PRPH: variants seen among roughly 807,000 people sequenced by gnomAD.
The protein encoded by PRPH is neurofilament 4 (57kD).
In PRPH, 48 loss-of-function variants were observed where a neutral mutation model predicts 52.6. The ratio of observed to expected loss-of-function variants is 0.91; its 90% CI spans 0.72 to 1.16. The LOEUF is 1.16. Ranked by LOEUF, PRPH falls within the 50% of genes most tolerant of loss-of-function variation. PRPH has a pLI of 0.00. For missense variants in PRPH, 579 were observed against 635.7 expected (o/e 0.91, Z 0.96); for synonymous variants, 279 against 283.8 (o/e 0.98, Z 0.17).
Position 49,297,936 on chromosome 12 carries a change from C to A in PRPH, c.1268-22C>A, listed in dbSNP as rs930070624. On this transcript the variant is annotated intron_variant, in intron 7 of 8. Transcript: ENST00000257860. The surrounding 1 kb of genome is among the most constrained non-coding windows in gnomAD (Gnocchi z 4.4). ...AGATTCCCACGCCTTCCCCCTTGAA[C>A]CCTTTATCCTGCTTTCTTCAGTGCC... 1 of 1,613,402 alleles carries A rather than the reference C, an allele frequency of 6.2e-7. No individual in the cohort carries two copies. The highest frequency in any genetic ancestry group is 1.3e-5 in the African/African-American group (1 of 75,016).
chr12:49,296,040 C>A lies in PRPH; in HGVS notation c.546-138C>A, dbSNP rs1943173970. On this transcript the variant is annotated intron_variant, in intron 1 of 8. Transcript: ENST00000257860. The surrounding 1 kb of genome is among the most constrained non-coding windows in gnomAD (Gnocchi z 5.1). ...CCGTTAGAGACAATGCGGGGCAATT[C>A]CATTAGACAGCCTCAGCCCTCCATT... 7.6e-7 allele frequency: 1 copy of A among 1,314,494 alleles called. No individual in the cohort carries two copies. Among genetic ancestry groups the A allele is most frequent in the African/African-American group, 1.5e-5 (1 of 68,432 alleles). 81.4% of individuals were successfully genotyped at this position (1,314,494 alleles called of 1,614,324 possible).
chr12:49,296,290 T>G lies in PRPH; in HGVS notation c.606+52T>G, dbSNP rs267607673. 2 of 1,602,830 alleles carry G rather than the reference T, an allele frequency of 1.2e-6. No homozygotes were observed. Among genetic ancestry groups the G allele is most frequent in the Non-Finnish European group, 1.7e-6 (2 of 1,172,538 alleles). On this transcript the variant is annotated intron_variant, in intron 2 of 8. Coordinates refer to ENST00000257860, the MANE Select transcript of PRPH (RefSeq NM_006262.4). This position sits in a 1 kb window ranked among gnomAD's most constrained non-coding sequence, Gnocchi z 5.1. ...AGCCTCCCCACCGCTACCCCCGATC[T>G]CAGTATCCAGAGGTGGCATCGGTGG...
Position 49,295,177 on chromosome 12 carries a change from G to A in PRPH, c.-24G>A, listed in dbSNP as rs74089010. The A allele has an allele frequency of 6.2e-7, 1 of 1,607,248 alleles. No homozygotes were observed. Among genetic ancestry groups the A allele is most frequent in the African/African-American group, 1.3e-5 (1 of 74,690 alleles). ...CAGCCCCCGGCCTAGCTCTGCGAAC[G>A]GTGACTGCCCATCCTTGGCCGCAAT... On this transcript the variant is annotated 5_prime_UTR_variant, in exon 1 of 9. Coordinates refer to ENST00000257860, the MANE Select transcript of PRPH (RefSeq NM_006262.4).
rs1189090580 is a variant in PRPH, at chr12:49,297,277, A to G, written c.996+4A>G. ...GGTGGACGGGCTGCGCGGCACGGTG[A>G]GTACGAAGCTGCGCGCTCGGGCCCG... On this transcript the variant is annotated splice_donor_region_variant and intron_variant, in intron 5 of 8. Transcript: ENST00000257860. This position sits in a 1 kb window ranked among gnomAD's most constrained non-coding sequence, Gnocchi z 4.4. 1 of 1,613,920 alleles carries G rather than the reference A, an allele frequency of 6.2e-7. No homozygotes were observed. The highest frequency in any genetic ancestry group is 1.3e-5 in the African/African-American group (1 of 75,000).
At position 49,295,164 on chromosome 12, in the gene PRPH, T is replaced by A. The variant is rs1555169746; in HGVS notation, c.-37T>A. 2 of 1,601,006 alleles carry A rather than the reference T, an allele frequency of 1.2e-6. No homozygotes were observed. The highest frequency in any genetic ancestry group is 1.7e-6 in the Non-Finnish European group (2 of 1,175,650). ...TGCGGCTCCTTCCCAGCCCCCGGCC[T>A]AGCTCTGCGAACGGTGACTGCCCAT... On this transcript the variant is annotated 5_prime_UTR_variant, in exon 1 of 9. Transcript: ENST00000257860.
At position 49,296,721 on chromosome 12, in the gene PRPH, A is replaced by G; in HGVS notation, c.703-168A>G. On this transcript the variant is annotated intron_variant, in intron 3 of 8. Coordinates refer to ENST00000257860, the MANE Select transcript of PRPH (RefSeq NM_006262.4). The surrounding 1 kb of genome is among the most constrained non-coding windows in gnomAD (Gnocchi z 5.1). ...GGCGGGCAGCGGGGCTGTACCTCCG[A>G]AACCTGGCCTCTGGTCTCGCGCCCG... 1 of 1,218,780 alleles carries G rather than the reference A, an allele frequency of 8.2e-7. No homozygotes were observed. Among genetic ancestry groups the G allele is most frequent in the Admixed American group, 2.2e-5 (1 of 44,920 alleles). The allele number at this position is 1,218,780 out of a possible 1,614,324, so 75.5% of individuals were successfully genotyped here. A position where few individuals can be genotyped will look rare whatever the true frequency, so the allele number is the denominator to read the frequency against.
At position 49,296,471 on chromosome 12, in the gene PRPH, C is replaced by G; in HGVS notation, c.646C>G (p.Arg216Gly). Residue 216 changes from arginine to glycine, a missense_variant, in exon 3 of 9, where the codon CGC becomes GGC. Coordinates refer to ENST00000257860, the MANE Select transcript of PRPH (RefSeq NM_006262.4). This position sits in a 1 kb window ranked among gnomAD's most constrained non-coding sequence, Gnocchi z 5.1. ...DATLSRLELE[R>G]KIESLMDEIE... is the part of the protein sequence containing the mutation. Reference sequence around the variant, plus strand: ...CACTCTGTCCCGCCTGGAACTAGAGCGCAAGATTGAGTCTCTGATGGATGA... The same window carrying G: ...CACTCTGTCCCGCCTGGAACTAGAGGGCAAGATTGAGTCTCTGATGGATGA... The G allele has an allele frequency of 1.9e-6, 3 of 1,614,178 alleles. No homozygotes were observed. Among genetic ancestry groups the G allele is most frequent in the Non-Finnish European group, 2.5e-6 (3 of 1,180,040 alleles).
At position 49,296,977 on chromosome 12, in the gene PRPH, C is replaced by G; in HGVS notation, c.791C>G (p.Ala264Gly). The G allele has an allele frequency of 6.2e-7, 1 of 1,613,782 alleles. No individual in the cohort carries two copies. ...EATVKPELTAALRDIRAQYES... is the reference protein window; with the variant it reads ...EATVKPELTAGLRDIRAQYES... Reference sequence around the variant, plus strand: ...ACGGTGAAGCCCGAGCTGACGGCAGCGCTGAGGGACATCCGCGCGCAGTAC... The same window carrying G: ...ACGGTGAAGCCCGAGCTGACGGCAGGGCTGAGGGACATCCGCGCGCAGTAC... Residue 264 changes from alanine (A) to glycine (G), a missense_variant, in exon 4 of 9, where the codon GCG becomes GGG. Physicochemically the swap from Ala to Gly is moderately conservative, Grantham distance 60. Transcript: ENST00000257860. The surrounding 1 kb of genome is among the most constrained non-coding windows in gnomAD (Gnocchi z 5.1).
In PRPH at chr12:49,297,923, C is replaced by A; in HGVS notation, c.1268-35C>A. On this transcript the variant is annotated intron_variant, in intron 7 of 8. Coordinates refer to ENST00000257860, the MANE Select transcript of PRPH (RefSeq NM_006262.4). This position sits in a 1 kb window ranked among gnomAD's most constrained non-coding sequence, Gnocchi z 4.4. The stretch of plus-strand genomic sequence containing the variant: ...AGCCTAAGAGGAGAGATTCCCACGC[C>A]TTCCCCCTTGAACCCTTTATCCTGC... 6.2e-7 allele frequency: 1 copy of A among 1,611,514 alleles called. No individual in the cohort carries two copies. Among genetic ancestry groups the A allele is most frequent in the Non-Finnish European group, 8.5e-7 (1 of 1,177,636 alleles).
In PRPH at chr12:49,296,200, C is replaced by T. The variant is rs1943176759; in HGVS notation, c.568C>T (p.Arg190Trp). The change falls in exon 2 of 9, where the codon CGG becomes TGG. Residue 190 changes from arginine (R) to tryptophan (W), a missense_variant. Arg to Trp is a moderately radical substitution (Grantham distance 101). Transcript: ENST00000257860. The surrounding 1 kb of genome is among the most constrained non-coding windows in gnomAD (Gnocchi z 5.1). Reference sequence around the variant, plus strand: ...CAGGTTGGAGGAGGAGACGCGCAAGCGGGAGGACGCGGAGCACAACCTCGT... The same window carrying T: ...CAGGTTGGAGGAGGAGACGCGCAAGTGGGAGGACGCGGAGCACAACCTCGT... ...KQRLEEETRKREDAEHNLVLF... is the reference protein window; with the variant it reads ...KQRLEEETRKWEDAEHNLVLF... 1.2e-6 allele frequency: 2 copies of T among 1,612,678 alleles called. No homozygotes were observed. Among genetic ancestry groups the T allele is most frequent in the Admixed American group, 1.7e-5 (1 of 59,980 alleles).
Position 49,296,223 on chromosome 12 carries a change from C to G in PRPH, c.591C>G (p.Leu197=), listed in dbSNP as rs1017433135. The change falls in exon 2 of 9, where the codon CTC becomes CTG. Residue 197 remains leucine (L), a synonymous_variant. Transcript: ENST00000257860. This position sits in a 1 kb window ranked among gnomAD's most constrained non-coding sequence, Gnocchi z 5.1. ...TRKREDAEHN[L]VLFRKDVDDA... ...AGCGGGAGGACGCGGAGCACAACCT[C>G]GTGCTCTTCCGCAAGGTGAGTCCGA... 1 of 1,613,192 alleles carries G rather than the reference C, an allele frequency of 6.2e-7. No homozygotes were observed. The highest frequency in any genetic ancestry group is 8.5e-7 in the Non-Finnish European group (1 of 1,179,900).
At position 49,296,929 on chromosome 12, in the gene PRPH, T is replaced by G. The variant is rs1592297158; in HGVS notation, c.743T>G (p.Val248Gly). The G allele has an allele frequency of 6.2e-7, 1 of 1,613,070 alleles. No homozygotes were observed. ...DLQVSVESQQ[V>G]QQVEVEATVK... ...CAGGTGAGTGTGGAGAGCCAGCAGG[T>G]GCAGCAGGTGGAGGTGGAAGCCACG... Residue 248 changes from valine (V) to glycine (G), a missense_variant, in exon 4 of 9, where the codon GTG becomes GGG. By Grantham distance (109) the Val-to-Gly change is moderately radical. Coordinates refer to ENST00000257860, the MANE Select transcript of PRPH (RefSeq NM_006262.4). This position sits in a 1 kb window ranked among gnomAD's most constrained non-coding sequence, Gnocchi z 5.1.
rs898613415 is a variant in PRPH at position 49,297,550 on chromosome 12, G to T, written c.1190G>T (p.Arg397Leu). Residue 397 changes from arginine to leucine, a missense_variant, in exon 6 of 9, where the codon CGC becomes CTC. Transcript: ENST00000257860. This position sits in a 1 kb window ranked among gnomAD's most constrained non-coding sequence, Gnocchi z 4.4. ...MALDIEIATYRKLLEGEESRI... is the reference protein window; with the variant it reads ...MALDIEIATYLKLLEGEESRI... ...CTGGACATCGAGATCGCCACCTACCGCAAGCTGCTGGAGGGCGAGGAGAGC... is the reference window on the plus strand; with the variant it reads ...CTGGACATCGAGATCGCCACCTACCTCAAGCTGCTGGAGGGCGAGGAGAGC... 42 of 1,458,930 alleles carry T rather than the reference G, an allele frequency of 2.9e-5. No individual in the cohort carries two copies. Among genetic ancestry groups the T allele is most frequent in the Non-Finnish European group, 3.8e-5 (41 of 1,086,510 alleles). The allele number at this position is 1,458,930 out of a possible 1,614,324, so 90.4% of individuals were successfully genotyped here.
intron 1 of PRPH, 200 bp downstream of exon 1, chr12:49,295,945 G>A (rs1427782989): frequency 5.5e-6 from 8 of 1,449,124 alleles, no homozygotes; most frequent in Non-Finnish European, 7.3e-6. Flanking sequence ...CTGAGTGTTT[G>A]GGGAGGTGGG....
intron 1 of PRPH, 169 bp downstream of exon 1, chr12:49,295,914 GC>G (rs1167748425): frequency 1.4e-5 from 20 of 1,441,538 alleles, no homozygotes; most frequent in Non-Finnish European, 1.8e-5. Flanking sequence ...GGCTCCAAGT[GC>G]CCCCCGCTAC....
Position 49,296,054 on chromosome 12 carries a change from C to T in PRPH, c.546-124C>T. ...GCGGGGCAATTCCATTAGACAGCCT[C>T]AGCCCTCCATTTAGAGTCCTGGGCA... On this transcript the variant is annotated intron_variant, in intron 1 of 8. Transcript: ENST00000257860. The surrounding 1 kb of genome is among the most constrained non-coding windows in gnomAD (Gnocchi z 5.1). 1 of 1,328,434 alleles carries T rather than the reference C, an allele frequency of 7.5e-7. No individual in the cohort carries two copies. The highest frequency in any genetic ancestry group is 1.0e-6 in the Non-Finnish European group (1 of 957,534). 82.3% of individuals were successfully genotyped at this position (1,328,434 alleles called of 1,614,324 possible).
chr12:49,296,132 TG>T lies in PRPH; in HGVS notation c.546-43del. The T allele has an allele frequency of 6.3e-7, 1 of 1,592,608 alleles. No homozygotes were observed. ...GGGGCGTGCGGTCTGGGGTGCGAGC[TG>T]GGCGGCGACCCCGCAGTTCAGCCTC... is the stretch of plus-strand genomic sequence containing the variant. On this transcript the variant is annotated intron_variant, in intron 1 of 8. Transcript: ENST00000257860. The surrounding 1 kb of genome is among the most constrained non-coding windows in gnomAD (Gnocchi z 5.1).
In PRPH at chr12:49,295,678, C is replaced by A; in HGVS notation, c.478C>A (p.Arg160Ser). The A allele has an allele frequency of 6.5e-7, 1 of 1,534,560 alleles. No individual in the cohort carries two copies. Among genetic ancestry groups the A allele is most frequent in the Non-Finnish European group, 8.7e-7 (1 of 1,144,148 alleles). Residue 160 changes from arginine to serine, a missense_variant, in exon 1 of 9, where the codon CGC becomes AGC. By Grantham distance (110) the Arg-to-Ser change is moderately radical (BLOSUM62 -1). Coordinates refer to ENST00000257860, the MANE Select transcript of PRPH (RefSeq NM_006262.4). ...GCGGCGAGAGCTGGAGCTGTTGGGC[C>A]GCGAGCGTGACCGGGTGCAGGTGGA... ...ELRRELELLGRERDRVQVERD... is the reference protein window; with the variant it reads ...ELRRELELLGSERDRVQVERD...
In PRPH at chr12:49,295,761, T is replaced by A; in HGVS notation, c.545+16T>A. 6.8e-7 allele frequency: 1 copy of A among 1,465,428 alleles called. No homozygotes were observed. The highest frequency in any genetic ancestry group is 8.9e-7 in the Non-Finnish European group (1 of 1,118,186). The allele number at this position is 1,465,428 out of a possible 1,614,324, so 90.8% of individuals were successfully genotyped here. On this transcript the variant is annotated intron_variant, in intron 1 of 8. Coordinates refer to ENST00000257860, the MANE Select transcript of PRPH (RefSeq NM_006262.4). ...TCAAGCAGAGGTCAGGGGGCAGGGC[T>A]GGGCCGCTGCCGTCGAGGCGAGGTC...
Sources: allele counts gnomAD v4.1 joint callset, GRCh38; gene constraint gnomAD v4.1.1; non-coding constraint Gnocchi (gnomAD v3.1); transcripts MANE v1.5; gene names NCBI Gene and HGNC (gene_info 2026-07-23, HGNC 2026-07-21).